KIF21A: variants seen among roughly 807,000 people sequenced by gnomAD.
KIF21A encodes kinesin family member 21A.
KIF21A carries 114 observed loss-of-function variants against 202.9 expected under a neutral mutation model. The observed-to-expected ratio is 0.56, with a 90% CI of 0.48 to 0.66. The LOEUF is 0.66. KIF21A is among the 30% of genes least tolerant of loss of function. The pLI, the probability that KIF21A is intolerant of heterozygous loss-of-function variation, is 0.00. For missense variants in KIF21A, 1,677 were observed against 1,994.9 expected (o/e 0.84, Z 3.04); for synonymous variants, 667 against 670.8 (o/e 0.99, Z 0.09).
Position 39,318,084 on chromosome 12 carries a change from A to C in KIF21A, c.3897T>G (p.Val1299=), listed in dbSNP as rs768083118. 1 of 1,612,944 alleles carries C rather than the reference A, an allele frequency of 6.2e-7. No individual in the cohort carries two copies. The highest frequency in any genetic ancestry group is 1.1e-5 in the South Asian group (1 of 91,070). The change falls in exon 29 of 38, where the codon GTT becomes GTG. Residue 1299 remains valine (V), a synonymous_variant. Transcript: ENST00000361418. ...RLTVSQGNTS[V]QQDKSDESDS... is the part of the protein sequence containing the mutation. Reference sequence around the variant, plus strand: ...CCATAATGACTTACTTATCCTGCTGAACTGATGTGTTTCCCTGAGAAACAG... The same window carrying C: ...CCATAATGACTTACTTATCCTGCTGCACTGATGTGTTTCCCTGAGAAACAG...
chr12:39,336,991 C>T (rs1947031538), intron 17 of KIF21A, 105 bp downstream of exon 17: 1 of 726,846 alleles, frequency 1.4e-6, no homozygotes. Context: ...TTGTCCTTAA[C>T]CTGCAATTAG....
At chr12:39,413,769 A>C (rs1953309409) in intron 1 of KIF21A, among the ~76,000 whole-genome samples, 1 of 152,158 alleles carries the variant, frequency 6.6e-6, no homozygotes, top group African/African-American at 2.4e-5. Context: ...ACAAGAACTT[A>C]TCTCTAAAAA....
chr12:39,321,556 T>A (rs1945261891), intron 27 of KIF21A: 1 of 152,168 alleles, frequency 6.6e-6, no homozygotes, highest in Admixed American at 6.5e-5. Flanking sequence ...TAACAGCAGA[T>A]CCAACAGTTA....
intron 1 of KIF21A, among the ~76,000 whole-genome samples, chr12:39,400,680 C>T (rs986121230): frequency 5.3e-5 from 8 of 152,176 alleles, no homozygotes; most frequent in Non-Finnish European, 1.0e-4. Context: ...TTAACTGCTG[C>T]TACTTGCTTG....
chr12:39,396,803 A>G (rs1951791047), intron 1 of KIF21A, among the ~76,000 whole-genome samples: 1 of 152,210 alleles, frequency 6.6e-6, no homozygotes, highest in Non-Finnish European at 1.5e-5. Flanking sequence ...ACTAGGCACA[A>G]TGCAAATATT....
At chr12:39,402,328 T>A (rs1952229232) in intron 1 of KIF21A, among the ~76,000 whole-genome samples, 1 of 152,144 alleles carries the variant, frequency 6.6e-6, no homozygotes, top group Non-Finnish European at 1.5e-5. Context: ...GAGAAAGCCA[T>A]AATGGTAGTT....
chr12:39,318,142 G>A lies in KIF21A; in HGVS notation c.3839C>T (p.Pro1280Leu). Residue 1280 changes from proline to leucine, a missense_variant, in exon 29 of 38, where the codon CCC becomes CTC. By Grantham distance (98) the Pro-to-Leu change is moderately conservative. This residue lies in a region of KIF21A where 705 missense variants were observed against 791.9 expected (regional missense o/e 0.89). Transcript: ENST00000361418. ...LSPPSSPPSR[P>L]RNELNVFNRL... ...ATTAAAAACATTCAGTTCATTACGG[G>A]GCCGGCTTGGTGGGGAAGAAGGAGG... is the stretch of plus-strand genomic sequence containing the variant. 6.2e-7 allele frequency: 1 copy of A among 1,613,500 alleles called. No homozygotes were observed. The highest frequency in any genetic ancestry group is 8.5e-7 in the Non-Finnish European group (1 of 1,179,564).
chr12:39,380,345 A>G (rs749468390), intron 1 of KIF21A, among the ~76,000 whole-genome samples: 3 of 152,186 alleles, frequency 2.0e-5, no homozygotes, highest in Non-Finnish European at 4.4e-5. Flanking sequence ...ATTGACCTAG[A>G]ATATAGGTCC....
intron 31 of KIF21A, chr12:39,312,957 T>C (rs1239608428): frequency 1.3e-5 from 2 of 151,932 alleles, no homozygotes; most frequent in African/African-American, 4.8e-5. Context: ...GTAAGACAAA[T>C]GGCATATTAG....
At chr12:39,322,355 G>A (rs1409689198) in intron 27 of KIF21A, 2 of 228,228 alleles carry the variant, frequency 8.8e-6, no homozygotes, top group Non-Finnish European at 1.7e-5. Flanking sequence ...GGTTTTATAG[G>A]TATAACTTTA....
chr12:39,438,349 C>T (rs1463509751), intron 1 of KIF21A, among the ~76,000 whole-genome samples: 1 of 152,104 alleles, frequency 6.6e-6, no homozygotes, highest in African/African-American at 2.4e-5. Flanking sequence ...TCATTAGTGC[C>T]TGCAGTTTGA....
At chr12:39,362,643 T>A (rs1284754198) in intron 7 of KIF21A, among the ~76,000 whole-genome samples, 2 of 152,096 alleles carry the variant, frequency 1.3e-5, no homozygotes, top group Non-Finnish European at 2.9e-5. Context: ...TAAAAAAAAA[T>A]TTGAATTTTT....
At chr12:39,376,711 C>A (rs1950291909) in intron 1 of KIF21A, among the ~76,000 whole-genome samples, 1 of 152,162 alleles carries the variant, frequency 6.6e-6, no homozygotes, top group Admixed American at 6.5e-5. Flanking sequence ...ATCACTCAAT[C>A]CAATGATGCA....
chr12:39,356,169 C>T (rs1258571081), intron 10 of KIF21A, among the ~76,000 whole-genome samples: 1 of 152,160 alleles, frequency 6.6e-6, no homozygotes, highest in Admixed American at 6.5e-5. Context: ...CCCTATTCCC[C>T]AAGTCTAGTC....
intron 17 of KIF21A, among the ~76,000 whole-genome samples, chr12:39,336,263 C>T (rs1045853409): frequency 6.6e-6 from 1 of 152,042 alleles, no homozygotes; most frequent in South Asian, 2.1e-4. Context: ...TATAATTTTT[C>T]ACCTAAAAGA....
At chr12:39,425,932 T>TA (rs1016584377) in intron 1 of KIF21A, among the ~76,000 whole-genome samples, 1,853 of 53,296 alleles carry the variant, frequency 0.035, 12 homozygotes, top group Middle Eastern at 0.045. Flanking sequence ...GATTAGAAAC[T>TA]AAAAAAAAAA....
chr12:39,366,780 A>T (rs1949631295), intron 5 of KIF21A, among the ~76,000 whole-genome samples: 1 of 152,222 alleles, frequency 6.6e-6, no homozygotes, highest in Admixed American at 6.5e-5. Context: ...CAAAAGCAAA[A>T]GGTCTCAGGT....
chr12:39,370,700 C>T (rs1466435703), intron 1 of KIF21A, among the ~76,000 whole-genome samples: 2 of 151,972 alleles, frequency 1.3e-5, no homozygotes, highest in South Asian at 2.1e-4. Context: ...AATGTCTTGA[C>T]GCCCTTGACT....
chr12:39,372,098 GAGATAA>G (rs1430986028), intron 1 of KIF21A, among the ~76,000 whole-genome samples: 1 of 150,156 alleles, frequency 6.7e-6, no homozygotes, highest in African/African-American at 2.4e-5. Flanking sequence ...CTATTTATTA[GAGATAA>G]AGCCAAGCCC....
Sources: gnomAD v4.1 joint callset for allele counts (sites outside exome capture counted in the v4.1 genomes callset) on GRCh38, gnomAD v4.1.1 for gene constraint, gnomAD v4.1.1 regional missense constraint, MANE v1.5 for transcripts, NCBI Gene and HGNC (gene_info 2026-07-23, HGNC 2026-07-21) for gene names.